GPBP1L1: variants seen among roughly 807,000 people sequenced by gnomAD.
GPBP1L1 encodes the protein GC-rich promoter binding protein 1 like 1.
In GPBP1L1, 23 loss-of-function variants were observed where a neutral mutation model predicts 52.5. That is an observed-to-expected ratio of 0.44 (90% CI 0.32 to 0.62). The LOEUF (loss-of-function observed/expected upper bound fraction) is 0.62. Among genes scored for constraint, GPBP1L1 ranks in the 20% least tolerant of loss-of-function variants. GPBP1L1 has a pLI of 0.06. For synonymous variants in GPBP1L1, 243 were observed against 203.1 expected (o/e 1.20, Z -1.67); for missense variants, 596 against 579.3 (o/e 1.03, Z -0.30).
At chr1:45,635,317 CA>C (rs1349763620) in intron 8 of GPBP1L1, 1 of 152,118 alleles carries the variant, frequency 6.6e-6, no homozygotes, top group Non-Finnish European at 1.5e-5. Flanking sequence ...AACGATGACC[CA>C]ACCAGAATGA....
intron 10 of GPBP1L1, 33 bp downstream of exon 10, chr1:45,633,456 T>C: frequency 1.2e-6 from 2 of 1,606,326 alleles, no homozygotes; most frequent in Non-Finnish European, 1.7e-6. Context: ...GGAAAATTCC[T>C]AGGCTACCCC....
intron 6 of GPBP1L1, chr1:45,651,419 G>C (rs1441431270): frequency 2.5e-6 from 1 of 397,624 alleles, no homozygotes; most frequent in Admixed American, 3.7e-5. Flanking sequence ...ACTCCTGCTT[G>C]AAAGACAGGT....
At chr1:45,639,992 T>C (rs1020182333) in intron 8 of GPBP1L1, among the ~76,000 whole-genome samples, 1 of 151,710 alleles carries the variant, frequency 6.6e-6, no homozygotes. Context: ...GCCATGATTG[T>C]GCCACTGCAT....
rs963273712 is a variant in GPBP1L1 at position 45,651,648 on chromosome 1, T to C, written c.477+2895A>G. On this transcript the variant is annotated intron_variant, in intron 6 of 12. Transcript: ENST00000355105. ...ATGGCTCTCTGCTGCTGCAACCTGATATAGCAGGGCCATTTCACAAAGCAG... is the reference window on the plus strand; with the variant it reads ...ATGGCTCTCTGCTGCTGCAACCTGACATAGCAGGGCCATTTCACAAAGCAG... 3.2e-5 allele frequency: 22 copies of C among 685,580 alleles called. No homozygotes were observed. The South Asian group carries it at 3.2e-4, about 10-fold the overall frequency. The allele number at this position is 685,580 out of a possible 1,614,324, so 42.5% of individuals were successfully genotyped here. A position where few individuals can be genotyped will look rare whatever the true frequency, so the allele number is the denominator to read the frequency against.
rs1460986818 is a variant in GPBP1L1 at position 45,627,957 on chromosome 1, T to A, written c.*299A>T. Reference sequence around the variant, plus strand: ...CTGCAGACCAGTGTCTCCTCTTCCCTGCACTGCCAGCTCCTACCTGTGCAT... The same window carrying A: ...CTGCAGACCAGTGTCTCCTCTTCCCAGCACTGCCAGCTCCTACCTGTGCAT... On this transcript the variant is annotated 3_prime_UTR_variant, in exon 13 of 13. Transcript: ENST00000355105. 4.0e-6 allele frequency: 1 copy of A among 252,934 alleles called. No homozygotes were observed. The highest frequency in any genetic ancestry group is 8.6e-5 in the East Asian group (1 of 11,690). 15.7% of individuals were successfully genotyped at this position (252,934 alleles called of 1,614,324 possible).
rs1644932517 is a variant in GPBP1L1 at position 45,660,204 on chromosome 1, G to A, written c.-76C>T. 2 of 985,188 alleles carry A rather than the reference G, an allele frequency of 2.0e-6. No homozygotes were observed. Among genetic ancestry groups the A allele is most frequent in the Non-Finnish European group, 1.2e-6 (1 of 829,904 alleles). The allele number at this position is 985,188 out of a possible 1,614,324, so 61.0% of individuals were successfully genotyped here. Reference sequence around the variant, plus strand: ...TTTACCCCAGAGTGTAACCTCTGTGGTCCTGTTTCTGAACTCGAGTCGGCC... The same window carrying A: ...TTTACCCCAGAGTGTAACCTCTGTGATCCTGTTTCTGAACTCGAGTCGGCC... On this transcript the variant is annotated 5_prime_UTR_variant, in exon 3 of 13. Transcript: ENST00000355105.
At chr1:45,649,240 T>C (rs562860713) in intron 6 of GPBP1L1, among the ~76,000 whole-genome samples, 2 of 152,242 alleles carry the variant, frequency 1.3e-5, no homozygotes, top group Non-Finnish European at 2.9e-5. Flanking sequence ...CCCTTAAATA[T>C]GTATTTCCTT....
chr1:45,658,336 C>G (rs934154499), intron 4 of GPBP1L1, among the ~76,000 whole-genome samples: 5 of 152,156 alleles, frequency 3.3e-5, no homozygotes, highest in Non-Finnish European at 7.3e-5. Context: ...GTGCCATTCC[C>G]CTTTTACTTC....
Position 45,630,512 on chromosome 1 carries a change from A to T in GPBP1L1, c.1139T>A (p.Val380Asp). The T allele has an allele frequency of 6.2e-7, 1 of 1,613,616 alleles. No homozygotes were observed. The highest frequency in any genetic ancestry group is 8.5e-7 in the Non-Finnish European group (1 of 1,179,780). The change falls in exon 11 of 13, where the codon GTT becomes GAT. Residue 380 changes from valine to aspartate, a missense_variant. Transcript: ENST00000355105. ...LALPVVEEGE[V>D]LSHSLEAEHR... ...CTCTGCTTCTAGAGAGTGTGAGAGA[A>T]CCTCCCCTTCTTCCACTACAGGGAG...
chr1:45,682,022 A>C (rs1645217905), intron 2 of GPBP1L1, among the ~76,000 whole-genome samples: 1 of 152,216 alleles, frequency 6.6e-6, no homozygotes, highest in Non-Finnish European at 1.5e-5. Context: ...ATAGTAAGGA[A>C]TAATAAGATT....
Position 45,682,468 on chromosome 1 carries a change from C to T in GPBP1L1, c.-1098+3108G>A, listed in dbSNP as rs372450994. 2.6e-5 allele frequency among the ~76,000 whole-genome samples: 4 copies of T among 152,274 alleles called. No homozygotes were observed. In the East Asian group the frequency reaches 7.7e-4, roughly 29 times the overall value. On this transcript the variant is annotated intron_variant, in intron 2 of 12. Transcript: ENST00000355105. ...TAACAAAAGGCAAAGTGGTTTTTATCTTAGAAAAGGAAGGTGAACTTAATG... is the reference window on the plus strand; with the variant it reads ...TAACAAAAGGCAAAGTGGTTTTTATTTTAGAAAAGGAAGGTGAACTTAATG...
rs1569898008 is a variant in GPBP1L1, at chr1:45,682,012, A to G, written c.-1098+3564T>C. On this transcript the variant is annotated intron_variant, in intron 2 of 12. Coordinates refer to ENST00000355105, the MANE Select transcript of GPBP1L1 (RefSeq NM_021639.5). ...GAAGGGTTAATATCTACTTCTTTAA[A>G]TAGTAAGGAATAATAAGATTACATA... Among the ~76,000 whole-genome samples the G allele has an allele frequency of 2.0e-5, 3 of 152,212 alleles. No homozygotes were observed. In the South Asian group the frequency reaches 6.2e-4, roughly 32 times the overall value.
rs1644556265 is a variant in GPBP1L1 at position 45,633,506 on chromosome 1, A to G, written c.1027T>C (p.Cys343Arg). 1 of 1,613,826 alleles carries G rather than the reference A, an allele frequency of 6.2e-7. No individual in the cohort carries two copies. The highest frequency in any genetic ancestry group is 1.3e-5 in the African/African-American group (1 of 74,860). The change falls in exon 10 of 13, where the codon TGT becomes CGT. Residue 343 changes from cysteine to arginine, a missense_variant. Physicochemically the swap from Cys to Arg is radical, Grantham distance 180 (BLOSUM62 -3). Coordinates refer to ENST00000355105, the MANE Select transcript of GPBP1L1 (RefSeq NM_021639.5). ...RNGDFSENRD[C>R]DKLEDLEDNS... ...GCTCTTACATCTTCCAGCTTGTCAC[A>G]GTCTCTATTCTCTGAGAAGTCTCCA...
intron 2 of GPBP1L1, among the ~76,000 whole-genome samples, chr1:45,661,802 AG>A (rs945559326): frequency 7.9e-5 from 12 of 152,098 alleles, no homozygotes; most frequent in African/African-American, 1.7e-4. Flanking sequence ...ACACTTTGAG[AG>A]GCCAAATTTT....
At chr1:45,684,593 C>G (rs1281697453) in intron 2 of GPBP1L1, among the ~76,000 whole-genome samples, 1 of 151,832 alleles carries the variant, frequency 6.6e-6, no homozygotes, top group Non-Finnish European at 1.5e-5. Context: ...AAGAGTTCCC[C>G]CCACACCACA....
chr1:45,630,484 G>C lies in GPBP1L1; in HGVS notation c.1167C>G (p.His389Gln). The C allele has an allele frequency of 6.2e-7, 1 of 1,613,822 alleles. No individual in the cohort carries two copies. The highest frequency in any genetic ancestry group is 1.1e-5 in the South Asian group (1 of 91,070). Reference sequence around the variant, plus strand: ...CCTGTGATGTCCTCCTCACTTACCTGTGCTCTGCTTCTAGAGAGTGTGAGA... The same window carrying C: ...CCTGTGATGTCCTCCTCACTTACCTCTGCTCTGCTTCTAGAGAGTGTGAGA... ...EVLSHSLEAE[H>Q]RLLKAMGWQE... Residue 389 changes from histidine to glutamine, a missense_variant and splice_region_variant, in exon 11 of 13, where the codon CAC (histidine) becomes CAG (glutamine). Coordinates refer to ENST00000355105, the MANE Select transcript of GPBP1L1 (RefSeq NM_021639.5).
At chr1:45,640,068 A>G in intron 8 of GPBP1L1, 142 bp downstream of exon 8, 1 of 540,802 alleles carries the variant, frequency 1.8e-6, no homozygotes, top group Non-Finnish European at 3.2e-6. Flanking sequence ...AAAAAAAAGC[A>G]AAGAAAGCTG....
At chr1:45,662,081 T>C (rs978323779) in intron 2 of GPBP1L1, among the ~76,000 whole-genome samples, 1 of 152,206 alleles carries the variant, frequency 6.6e-6, no homozygotes, top group Non-Finnish European at 1.5e-5. Context: ...ATCTAACTTG[T>C]TAGGCACGGA....
Position 45,685,593 on chromosome 1 carries a change from A to T in GPBP1L1, c.-1115T>A, listed in dbSNP as rs1174011768. 6.6e-6 allele frequency: 1 copy of T among 152,268 alleles called. No individual in the cohort carries two copies. The highest frequency in any genetic ancestry group is 1.5e-5 in the Non-Finnish European group (1 of 68,042). 9.4% of individuals were successfully genotyped at this position (152,268 alleles called of 1,614,324 possible). ...AGCCTCACCTTTGTTTTCACCCAGC[A>T]TAAGGAGAGTTAAAGGTGAGACACC... On this transcript the variant is annotated 5_prime_UTR_variant, in exon 2 of 13. The change abolishes an upstream ATG in the 5' untranslated region. Coordinates refer to ENST00000355105, the MANE Select transcript of GPBP1L1 (RefSeq NM_021639.5).
Sources: allele counts gnomAD v4.1 joint callset (sites outside exome capture counted in the v4.1 genomes callset), GRCh38; gene constraint gnomAD v4.1.1; transcripts MANE v1.5; gene names NCBI Gene and HGNC (gene_info 2026-07-23, HGNC 2026-07-21).